DHTKD1: variants seen among roughly 807,000 people sequenced by gnomAD.
DHTKD1 encodes the protein 2-oxoadipate dehydrogenase complex component E1.
Under a neutral mutation model 101.8 loss-of-function variants are expected in DHTKD1, and 78 were observed. That is an observed-to-expected ratio of 0.77 (90% CI 0.64 to 0.93). DHTKD1 has a LOEUF of 0.93. Ranked by LOEUF, DHTKD1 falls within the 40% of genes least tolerant of loss-of-function variation. DHTKD1 has a pLI of 0.00. For missense variants in DHTKD1, 1,223 were observed against 1,161.7 expected (o/e 1.05, Z -0.77); for synonymous variants, 462 against 450.3 (o/e 1.03, Z -0.33).
rs141125831 is a variant in DHTKD1 at position 12,084,674 on chromosome 10, C to T, written c.445C>T (p.Arg149Trp). ...GGATGAGAAAGACTGGTTTGCCAAG[C>T]GGTTTGAGGAACTGCAAAAGGAGAC... is the stretch of plus-strand genomic sequence containing the variant. ...SQDEKDWFAK[R>W]FEELQKETFT... is the part of the protein sequence containing the mutation. The change falls in exon 3 of 17, where the codon CGG becomes TGG. Residue 149 changes from arginine (R) to tryptophan (W), a missense_variant. Coordinates refer to ENST00000263035, the MANE Select transcript of DHTKD1 (RefSeq NM_018706.7). 15 of 1,613,966 alleles carry T rather than the reference C, an allele frequency of 9.3e-6. No homozygotes were observed. Among genetic ancestry groups the T allele is most frequent in the South Asian group, 5.5e-5 (5 of 91,090 alleles).
intron 7 of DHTKD1, 140 bp downstream of exon 7, chr10:12,094,411 G>A (rs866494978): frequency 2.2e-5 from 16 of 726,126 alleles, no homozygotes; most frequent in South Asian, 1.2e-4. Flanking sequence ...TCCACCTCCC[G>A]GGTTCAAATG....
rs201310721 is a variant in DHTKD1 at position 12,089,131 on chromosome 10, C to T, written c.863C>T (p.Ser288Leu). 1.9e-5 allele frequency: 30 copies of T among 1,614,076 alleles called. No homozygotes were observed. The African/African-American group carries it at 1.9e-4, about 10-fold the overall frequency. Residue 288 changes from serine (S) to leucine (L), a missense_variant, in exon 5 of 17, where the codon TCG (serine) becomes TTG (leucine). By Grantham distance (145) the Ser-to-Leu change is moderately radical. Coordinates refer to ENST00000263035, the MANE Select transcript of DHTKD1 (RefSeq NM_018706.7). ...CATGTGACAATGTTGCCCAATCCCTCGCACCTGGAGGCCGTCAACCCCGTG... is the reference window on the plus strand; with the variant it reads ...CATGTGACAATGTTGCCCAATCCCTTGCACCTGGAGGCCGTCAACCCCGTG... ...PLHVTMLPNPSHLEAVNPVAV... is the reference protein window; with the variant it reads ...PLHVTMLPNPLHLEAVNPVAV...
chr10:12,119,656 T>C (rs1425234657), intron 15 of DHTKD1, among the ~76,000 whole-genome samples: 4 of 146,116 alleles, frequency 2.7e-5, no homozygotes, highest in African/African-American at 7.6e-5. Context: ...TTGGTACATA[T>C]ATGGGGCCTG....
intron 6 of DHTKD1, 78 bp from the exon 7 acceptor site, chr10:12,093,995 G>T: frequency 1.6e-6 from 2 of 1,257,784 alleles, no homozygotes; most frequent in Non-Finnish European, 2.3e-6. Flanking sequence ...GTCTTTTGAT[G>T]CAGGAAGTAG....
intron 1 of DHTKD1, among the ~76,000 whole-genome samples, chr10:12,069,797 C>G (rs978332685): frequency 8.0e-5 from 12 of 150,664 alleles, no homozygotes; most frequent in Non-Finnish European, 1.8e-4. Context: ...CCTCGGCCTC[C>G]CAATGTGTTG....
chr10:12,101,245 G>C, intron 10 of DHTKD1, 64 bp downstream of exon 10: 2 of 1,541,314 alleles, frequency 1.3e-6, no homozygotes, highest in Non-Finnish European at 1.8e-6. Flanking sequence ...AGGATTCTTA[G>C]AACAAGTAGG....
rs563813862 is a variant in DHTKD1, at chr10:12,111,314, T to C, written c.2155-1586T>C. On this transcript the variant is annotated intron_variant, in intron 12 of 16. Coordinates refer to ENST00000263035, the MANE Select transcript of DHTKD1 (RefSeq NM_018706.7). Reference sequence around the variant, plus strand: ...CCGAGTAGCTGGGATTATAGGCTTGTGCCACGATGCCCGGCTAATTTTTGT... The same window carrying C: ...CCGAGTAGCTGGGATTATAGGCTTGCGCCACGATGCCCGGCTAATTTTTGT... 5.3e-5 allele frequency among the ~76,000 whole-genome samples: 8 copies of C among 152,258 alleles called. No individual in the cohort carries two copies. In the South Asian group the frequency reaches 1.7e-3, roughly 32 times the overall value.
intron 1 of DHTKD1, among the ~76,000 whole-genome samples, chr10:12,074,829 A>G (rs1832701975): frequency 6.6e-6 from 1 of 152,090 alleles, no homozygotes; most frequent in Non-Finnish European, 1.5e-5. Flanking sequence ...TAGCAAACAT[A>G]CAGGGCAATC....
chr10:12,112,976 A>G lies in DHTKD1; in HGVS notation c.2231A>G (p.Gln744Arg). The G allele has an allele frequency of 6.2e-7, 1 of 1,614,060 alleles. No homozygotes were observed. The highest frequency in any genetic ancestry group is 8.5e-7 in the Non-Finnish European group (1 of 1,179,988). ...MFVVHPTTPA[Q>R]YFHLLRRQMV... ...GTGGTTCACCCAACAACTCCTGCAC[A>G]GTATTTCCACTTGCTTAGGAGACAG... Residue 744 changes from glutamine (Q) to arginine (R), a missense_variant, in exon 13 of 17, where the codon CAG (glutamine) becomes CGG (arginine). By Grantham distance (43) the Gln-to-Arg change is conservative (BLOSUM62 1). Coordinates refer to ENST00000263035, the MANE Select transcript of DHTKD1 (RefSeq NM_018706.7).
At chr10:12,075,961 A>C (rs1832721597) in intron 1 of DHTKD1, among the ~76,000 whole-genome samples, 1 of 150,824 alleles carries the variant, frequency 6.6e-6, no homozygotes, top group Non-Finnish European at 1.5e-5. Flanking sequence ...AAAAAGGAAA[A>C]AGAAAATAAA....
chr10:12,102,413 ACT>A (rs1164661191), intron 10 of DHTKD1, among the ~76,000 whole-genome samples: 2 of 134,716 alleles, frequency 1.5e-5, no homozygotes, highest in African/African-American at 5.6e-5. Context: ...ACAGAGCGAG[ACT>A]CTGTCTCAAA....
chr10:12,100,316 C>T (rs532231207), intron 9 of DHTKD1, 54 bp downstream of exon 9: 29 of 169,786 alleles, frequency 1.7e-4, no homozygotes, highest in South Asian at 4.9e-4. Flanking sequence ...CTCACCCTGT[C>T]GCCCAGGCTG....
intron 10 of DHTKD1, among the ~76,000 whole-genome samples, chr10:12,104,382 T>C (rs1035287865): frequency 1.3e-5 from 2 of 152,146 alleles, no homozygotes; most frequent in African/African-American, 4.8e-5. Context: ...TCTCGCCACA[T>C]TGGCCAGGCT....
Position 12,120,904 on chromosome 10 carries a change from A to G in DHTKD1, c.*16A>G, listed in dbSNP as rs772818235. 1.1e-5 allele frequency: 18 copies of G among 1,611,690 alleles called. No individual in the cohort carries two copies. The highest frequency in any genetic ancestry group is 2.5e-6 in the Non-Finnish European group (3 of 1,178,382). Reference sequence around the variant, plus strand: ...CTTCGCTTGATGATGACTTTTGAAGAAACACTATTTCTCTTTAAGAAAATG... The same window carrying G: ...CTTCGCTTGATGATGACTTTTGAAGGAACACTATTTCTCTTTAAGAAAATG... On this transcript the variant is annotated 3_prime_UTR_variant, in exon 17 of 17. Transcript: ENST00000263035.
chr10:12,109,191 C>T (rs1186361719), intron 12 of DHTKD1, among the ~76,000 whole-genome samples: 1 of 151,848 alleles, frequency 6.6e-6, no homozygotes, highest in Non-Finnish European at 1.5e-5. Context: ...GATATCAATA[C>T]ATGTCACCCC....
intron 15 of DHTKD1, 23 bp from the exon 16 acceptor site, chr10:12,120,159 T>C (rs887339610): frequency 1.3e-6 from 2 of 1,597,198 alleles, no homozygotes; most frequent in Non-Finnish European, 1.7e-6. Context: ...CTTGAGGTGC[T>C]GAAAGAATTT....
intron 15 of DHTKD1, among the ~76,000 whole-genome samples, chr10:12,119,597 C>G (rs1488380555): frequency 2.4e-5 from 3 of 123,208 alleles, no homozygotes; most frequent in Non-Finnish European, 4.7e-5. Flanking sequence ...GCCTGGGCGA[C>G]AGAGCGAGAC....
rs555766353 is a variant in DHTKD1 at position 12,095,901 on chromosome 10, C to T, written c.1358+1630C>T. ...GCGCGTGCCTGTAGTCCCAGCTACT[C>T]GGGAGGCTGAGGCAACAGAATCGCT... On this transcript the variant is annotated intron_variant, in intron 7 of 16. Coordinates refer to ENST00000263035, the MANE Select transcript of DHTKD1 (RefSeq NM_018706.7). Among the ~76,000 whole-genome samples the T allele has an allele frequency of 6.6e-5, 10 of 151,364 alleles. No individual in the cohort carries two copies. The South Asian group carries it at 2.1e-3, about 32-fold the overall frequency.
At chr10:12,084,896 C>T (rs931236959) in intron 3 of DHTKD1, 145 bp downstream of exon 3, 39 of 629,562 alleles carry the variant, frequency 6.2e-5, no homozygotes, top group African/African-American at 3.3e-4. Context: ...ACTAAAAATA[C>T]GAAAATTAGC....
Sources: allele counts gnomAD v4.1 joint callset (sites outside exome capture counted in the v4.1 genomes callset), GRCh38; gene constraint gnomAD v4.1.1; transcripts MANE v1.5; gene names NCBI Gene and HGNC (gene_info 2026-07-23, HGNC 2026-07-21).